Variants in PTPRT observed in about 807,000 individuals in gnomAD.
PTPRT encodes the protein receptor-type tyrosine-protein phosphatase T.
A neutral mutation model predicts 176.8 loss-of-function variants in PTPRT; 56 were observed. That is an observed-to-expected ratio of 0.32 (90% CI 0.26 to 0.40). PTPRT has a LOEUF of 0.40. Ranked by LOEUF, PTPRT falls within the 10% of genes least tolerant of loss-of-function variation. The probability of loss-of-function intolerance (pLI) is 1.00; values close to 1 mark genes in which losing one functional copy is unlikely to be tolerated. For missense variants in PTPRT, 1,540 were observed against 1,908.2 expected (o/e 0.81, Z 3.60); for synonymous variants, 783 against 739.0 (o/e 1.06, Z -0.96).
At position 42,404,989 on chromosome 20, in the gene PTPRT, C is replaced by CAT. The variant is rs1480147606; in HGVS notation, c.1560+43230_1560+43231insAT. On this transcript the variant is annotated intron_variant, in intron 9 of 30. Transcript: ENST00000373187. ...CCAATTAATTATATATATATATATA[C>CAT]ACACACACACAAATATATAACATAT... Among the ~76,000 whole-genome samples the CAT allele has an allele frequency of 4.5e-4, 45 of 100,406 alleles. 1 individual carries two copies. Among genetic ancestry groups the CAT allele is most frequent in the Admixed American group, 1.0e-3 (9 of 8,954 alleles). 65.9% of individuals were successfully genotyped at this position (100,406 alleles called of 152,430 possible). A position where few individuals can be genotyped will look rare whatever the true frequency, so the allele number is the denominator to read the frequency against.
rs141993898 is a variant in PTPRT at position 43,002,263 on chromosome 20, C to A, written c.89-116331G>T. On this transcript the variant is annotated intron_variant, in intron 1 of 30. Coordinates refer to ENST00000373187, the MANE Select transcript of PTPRT (RefSeq NM_007050.6). ...TAAACCTCTTTCCTTTATTATTACC[C>A]ACTCATAGGTAGTATTTTTTATAGC... Among the ~76,000 whole-genome samples, 257 of 152,230 alleles carry A rather than the reference C, an allele frequency of 1.7e-3. 1 individual carries two copies. Among genetic ancestry groups the A allele is most frequent in the African/African-American group, 5.9e-3 (246 of 41,528 alleles).
Position 42,340,271 on chromosome 20 carries a change from T to G in PTPRT, c.1865+10357A>C, listed in dbSNP as rs148669917. On this transcript the variant is annotated intron_variant, in intron 11 of 30. Coordinates refer to ENST00000373187, the MANE Select transcript of PTPRT (RefSeq NM_007050.6). ...TGTAAGTCTAAAGTCTAGCCCTCGA[T>G]TCTTGCAGTTGTTACTGGGGGTGCT... Among the ~76,000 whole-genome samples the G allele has an allele frequency of 4.0e-4, 61 of 152,338 alleles. No individual in the cohort carries two copies. The East Asian group carries it at 0.012, about 29-fold the overall frequency.
At chr20:42,862,474 GA>G (rs2078679550) in intron 2 of PTPRT, among the ~76,000 whole-genome samples, 1 of 152,206 alleles carries the variant, frequency 6.6e-6, no homozygotes, top group Non-Finnish European at 1.5e-5. Context: ...TCAAGCAAGA[GA>G]GGAAGTTGGG....
At chr20:43,039,120 T>C (rs1410544992) in intron 1 of PTPRT, among the ~76,000 whole-genome samples, 2 of 152,118 alleles carry the variant, frequency 1.3e-5, no homozygotes, top group Non-Finnish European at 2.9e-5. Context: ...AATGCAAAAA[T>C]GCCTGGGAAA....
intron 3 of PTPRT, among the ~76,000 whole-genome samples, chr20:42,785,870 C>T (rs1291693266): frequency 6.6e-6 from 1 of 152,118 alleles, no homozygotes; most frequent in Non-Finnish European, 1.5e-5. Flanking sequence ...TCCACTGAGG[C>T]CCACTACAAG....
chr20:42,649,899 G>A (rs185017304), intron 7 of PTPRT, among the ~76,000 whole-genome samples: 349 of 152,236 alleles, frequency 2.3e-3, no homozygotes, highest in Non-Finnish European at 2.9e-3. Context: ...ACTTGCCTCA[G>A]GTCTATGTTA....
At chr20:42,033,908 T>G in the PTPRT span, among the ~76,000 whole-genome samples, 2 of 152,252 alleles carry the variant, frequency 1.3e-5, no homozygotes, top group African/African-American at 4.8e-5. Flanking sequence ...AATGGTTTTA[T>G]GTATGAATTA....
chr20:42,440,578 C>T (rs995121610), intron 9 of PTPRT, among the ~76,000 whole-genome samples: 1 of 151,266 alleles, frequency 6.6e-6, no homozygotes, highest in Admixed American at 6.6e-5. Context: ...CCCAGGTTCA[C>T]GCCATTCTCC....
intron 1 of PTPRT, among the ~76,000 whole-genome samples, chr20:42,888,190 C>G (rs886718316): frequency 2.0e-5 from 3 of 152,206 alleles, no homozygotes; most frequent in African/African-American, 7.2e-5. Context: ...CACCCAGAGA[C>G]TCGCCTGACC....
chr20:42,281,785 A>G (rs566962552), intron 13 of PTPRT, among the ~76,000 whole-genome samples: 1 of 152,330 alleles, frequency 6.6e-6, no homozygotes, highest in Admixed American at 6.5e-5. Context: ...TGTTAAAAAT[A>G]TCAACTCTGT....
chr20:42,660,442 T>C (rs781147966), intron 7 of PTPRT, among the ~76,000 whole-genome samples: 6 of 152,136 alleles, frequency 3.9e-5, no homozygotes, highest in Non-Finnish European at 7.3e-5. Context: ...AAAACAAAGT[T>C]GAAACTTCCC....
At chr20:42,288,870 G>A (rs1374439723) in intron 12 of PTPRT, among the ~76,000 whole-genome samples, 6 of 151,874 alleles carry the variant, frequency 4.0e-5, no homozygotes, top group Admixed American at 2.6e-4. Flanking sequence ...CTTTTCTTTT[G>A]GGTATGTACC....
intron 1 of PTPRT, among the ~76,000 whole-genome samples, chr20:43,105,862 T>A (rs1039261100): frequency 6.6e-6 from 1 of 152,130 alleles, no homozygotes; most frequent in African/African-American, 2.4e-5. Flanking sequence ...CCTTTGACTC[T>A]TGGTGGGAGT....
intron 15 of PTPRT, among the ~76,000 whole-genome samples, chr20:42,212,005 G>A (rs2055644301): frequency 1.1e-5 from 1 of 87,782 alleles, no homozygotes; most frequent in Admixed American, 1.2e-4. Context: ...TAGGGACATG[G>A]ATGAAACTGG....
At chr20:42,481,945 G>C (rs1472852606) in intron 7 of PTPRT, among the ~76,000 whole-genome samples, 7 of 152,070 alleles carry the variant, frequency 4.6e-5, no homozygotes, top group East Asian at 1.9e-4. Flanking sequence ...TGATTGTAAG[G>C]CTCTTAATAC....
At chr20:42,832,071 T>A (rs1306747138) in intron 2 of PTPRT, among the ~76,000 whole-genome samples, 2 of 152,198 alleles carry the variant, frequency 1.3e-5, no homozygotes, top group Non-Finnish European at 2.9e-5. Flanking sequence ...TAAAGACACA[T>A]GCACATGAAT....
intron 11 of PTPRT, among the ~76,000 whole-genome samples, chr20:42,329,888 C>G (rs1272383732): frequency 1.3e-5 from 2 of 151,868 alleles, no homozygotes; most frequent in Non-Finnish European, 2.9e-5. Context: ...TGATAAGGAT[C>G]AAAGATAGGA....
intron 1 of PTPRT, among the ~76,000 whole-genome samples, chr20:43,064,524 C>T (rs1332263811): frequency 2.0e-5 from 3 of 152,198 alleles, no homozygotes; most frequent in South Asian, 2.1e-4. Flanking sequence ...AACAAAAGAA[C>T]GTTAACACCT....
At chr20:42,684,240 G>A (rs1407387203) in intron 6 of PTPRT, among the ~76,000 whole-genome samples, 2 of 152,038 alleles carry the variant, frequency 1.3e-5, no homozygotes, top group Non-Finnish European at 2.9e-5. Flanking sequence ...AGCTACTCGG[G>A]AGGCTGAGGC....
Sources: gnomAD v4.1 joint callset for allele counts (sites outside exome capture counted in the v4.1 genomes callset) on GRCh38, gnomAD v4.1.1 for gene constraint, MANE v1.5 for transcripts, NCBI Gene and HGNC (gene_info 2026-07-23, HGNC 2026-07-21) for gene names.